The following MREG variants were observed in gnomAD, a reference collection of about 807,000 sequenced individuals.
MREG encodes the protein melanoregulin, also known as dilute suppressor protein homolog.
MREG carries 31 observed loss-of-function variants against 28.5 expected under a neutral mutation model. The observed-to-expected ratio is 1.09, with a 90% CI of 0.82 to 1.47. The LOEUF is 1.47. Among genes scored for constraint, MREG ranks in the 40% most tolerant of loss-of-function variants. The pLI is 0.00. For synonymous variants in MREG, 106 were observed against 95.2 expected (o/e 1.11, Z -0.66); for missense variants, 256 against 257.4 (o/e 0.99, Z 0.04).
chr2:216,008,380 TAATC>T (rs540303918), intron 1 of MREG, among the ~76,000 whole-genome samples: 1 of 152,240 alleles, frequency 6.6e-6, no homozygotes. Flanking sequence ...TAATAACTGA[TAATC>T]AAACATCGTT....
At chr2:215,995,861 T>C (rs1432422328) in intron 2 of MREG, among the ~76,000 whole-genome samples, 2 of 145,932 alleles carry the variant, frequency 1.4e-5, no homozygotes, top group Non-Finnish European at 3.0e-5. Context: ...TCAGTATGCA[T>C]AATTTAAGGA....
Position 216,013,474 on chromosome 2 carries a change from GC to G in MREG, c.-148del. ...TCGCGGGCTGGTCCGCGCGCATCAC[GC>G]CGCGGCCGGGGACGCGGGCGAGGGC... On this transcript the variant is annotated 5_prime_UTR_variant, in exon 1 of 5. Coordinates refer to ENST00000263268, the MANE Select transcript of MREG (RefSeq NM_018000.3). 3.4e-6 allele frequency: 1 copy of G among 291,188 alleles called. No individual in the cohort carries two copies. The highest frequency in any genetic ancestry group is 5.7e-6 in the Non-Finnish European group (1 of 174,884). 18.0% of individuals were successfully genotyped at this position (291,188 alleles called of 1,614,324 possible).
chr2:216,024,129 G>A (rs1694561289), intron 1 of MREG, among the ~76,000 whole-genome samples: 1 of 152,104 alleles, frequency 6.6e-6, no homozygotes, highest in South Asian at 2.1e-4. Context: ...GCCTTTCAGG[G>A]TCTTCTCTCC....
chr2:215,968,209 G>A (rs1407747906), intron 2 of MREG, among the ~76,000 whole-genome samples: 1 of 152,164 alleles, frequency 6.6e-6, no homozygotes, highest in Non-Finnish European at 1.5e-5. Context: ...GACAGTAGTA[G>A]AGTTAGGCCC....
intron 2 of MREG, among the ~76,000 whole-genome samples, chr2:215,957,337 C>A (rs535952335): frequency 6.6e-6 from 1 of 152,296 alleles, no homozygotes; most frequent in East Asian, 1.9e-4. Context: ...GGACACACCA[C>A]CTTGGTGCTT....
At chr2:215,949,087 C>CTACTAATAATAA (rs869228880) in intron 2 of MREG, among the ~76,000 whole-genome samples, 6 of 124,594 alleles carry the variant, frequency 4.8e-5, no homozygotes, top group East Asian at 2.3e-4. Flanking sequence ...ACTACTACTA[C>CTACTAATAATAA]TAATAATAAT....
chr2:216,030,721 C>A (rs1479950190), intron 1 of MREG, among the ~76,000 whole-genome samples: 1 of 107,070 alleles, frequency 9.3e-6, no homozygotes, highest in African/African-American at 3.0e-5. Context: ...TTTTGTATTT[C>A]TTTCTTTCTT....
At chr2:216,021,131 G>A (rs1359411312) in intron 1 of MREG, among the ~76,000 whole-genome samples, 2 of 152,158 alleles carry the variant, frequency 1.3e-5, no homozygotes, top group Non-Finnish European at 2.9e-5. Context: ...AAGAATCCAT[G>A]TTTTTAGTAT....
intron 2 of MREG, among the ~76,000 whole-genome samples, chr2:215,971,576 C>T (rs1693098066): frequency 6.6e-6 from 1 of 152,204 alleles, no homozygotes; most frequent in Non-Finnish European, 1.5e-5. Context: ...TGAGCCAGTT[C>T]CTCCAGATGA....
chr2:215,994,908 C>A (rs1178790861), intron 2 of MREG, among the ~76,000 whole-genome samples: 1 of 152,010 alleles, frequency 6.6e-6, no homozygotes, highest in Admixed American at 6.6e-5. Flanking sequence ...GAGAGAGACA[C>A]TATACATTAT....
chr2:216,019,489 C>G (rs1433910366), intron 1 of MREG, among the ~76,000 whole-genome samples: 2 of 151,044 alleles, frequency 1.3e-5, no homozygotes, highest in African/African-American at 4.9e-5. Flanking sequence ...ATGCAAAGGA[C>G]TTTCTAAATT....
At position 216,013,435 on chromosome 2, in the gene MREG, C is replaced by A; in HGVS notation, c.-108G>T. 1 of 673,030 alleles carries A rather than the reference C, an allele frequency of 1.5e-6. No individual in the cohort carries two copies. The allele number at this position is 673,030 out of a possible 1,614,324, so 41.7% of individuals were successfully genotyped here. A position where few individuals can be genotyped will look rare whatever the true frequency, so the allele number is the denominator to read the frequency against. ...CGCCAGCGTCCAGGTGCGGGGACAG[C>A]GGCAGCCCGGGCGTCGCGGGCTGGT... is the stretch of plus-strand genomic sequence containing the variant. On this transcript the variant is annotated 5_prime_UTR_variant, in exon 1 of 5. Transcript: ENST00000263268.
intron 1 of MREG, 112 bp downstream of exon 1, chr2:216,013,121 C>T (rs1207173196): frequency 3.5e-5 from 31 of 884,916 alleles, no homozygotes; most frequent in Non-Finnish European, 5.0e-5. Context: ...CCTCCGCGTG[C>T]CCTTCCAGCA....
intron 1 of MREG, among the ~76,000 whole-genome samples, chr2:216,002,962 C>T (rs1694057147): frequency 6.7e-6 from 1 of 150,068 alleles, no homozygotes; most frequent in African/African-American, 2.5e-5. Context: ...TCTCTCTTTC[C>T]TTCTCTCTCT....
In MREG at chr2:215,944,935, G is replaced by C. The variant is rs1333169422; in HGVS notation, c.573C>G (p.Pro191=). 11 of 1,608,222 alleles carry C rather than the reference G, an allele frequency of 6.8e-6. No individual in the cohort carries two copies. The highest frequency in any genetic ancestry group is 3.3e-5 in the Admixed American group (2 of 59,934). The change falls in exon 5 of 5, where the codon CCC becomes CCG. Residue 191 remains proline (P), a synonymous_variant. Transcript: ENST00000263268. ...EFFKLARRTY[P]KKPGVPCLAD... ...CCAGGCATGGAACCCCAGGCTTCTTGGGGTAAGTTCGACGAGCAAGCTTAA... is the reference window on the plus strand; with the variant it reads ...CCAGGCATGGAACCCCAGGCTTCTTCGGGTAAGTTCGACGAGCAAGCTTAA...
chr2:215,987,759 C>T (rs1320444782), intron 2 of MREG, among the ~76,000 whole-genome samples: 3 of 151,954 alleles, frequency 2.0e-5, no homozygotes, highest in South Asian at 2.1e-4. Context: ...AAAAATTAGC[C>T]GGGTGTGGTG....
intron 2 of MREG, among the ~76,000 whole-genome samples, chr2:215,994,690 C>G (rs1414463535): frequency 6.7e-6 from 1 of 149,642 alleles, no homozygotes; most frequent in East Asian, 1.9e-4. Context: ...AGGACCAGCA[C>G]AAAAAAGACA....
At chr2:216,023,953 C>T (rs1365650065) in intron 1 of MREG, among the ~76,000 whole-genome samples, 4 of 152,090 alleles carry the variant, frequency 2.6e-5, no homozygotes, top group Non-Finnish European at 5.9e-5. Flanking sequence ...CAGGTGTGAG[C>T]CACCACACCT....
intron 2 of MREG, among the ~76,000 whole-genome samples, chr2:215,973,419 G>A (rs905215410): frequency 6.6e-6 from 1 of 152,138 alleles, no homozygotes; most frequent in African/African-American, 2.4e-5. Context: ...GCAGACTGCC[G>A]AGGCCGGATT....
Sources: allele counts gnomAD v4.1 joint callset (sites outside exome capture counted in the v4.1 genomes callset), GRCh38; gene constraint gnomAD v4.1.1; transcripts MANE v1.5; gene names NCBI Gene and HGNC (gene_info 2026-07-23, HGNC 2026-07-21).